The following DOCK3 variants were observed in gnomAD, a reference collection of about 807,000 sequenced individuals.
DOCK3 encodes the protein dedicator of cytokinesis protein 3.
A neutral mutation model predicts 265.6 loss-of-function variants in DOCK3; 60 were observed. The observed-to-expected ratio is 0.23, with a 90% CI of 0.18 to 0.28. The LOEUF is 0.28. Among genes scored for constraint, DOCK3 ranks in the 10% least tolerant of loss-of-function variants. DOCK3 has a pLI of 1.00. For synonymous variants in DOCK3, 881 were observed against 938.0 expected (o/e 0.94, Z 1.11); for missense variants, 1,981 against 2,594.3 (o/e 0.76, Z 5.14).
intron 9 of DOCK3, among the ~76,000 whole-genome samples, chr3:51,111,103 T>C (rs536609229): frequency 2.6e-5 from 4 of 152,174 alleles, no homozygotes; most frequent in Non-Finnish European, 2.9e-5. Flanking sequence ...AAATAAAGTA[T>C]GTAGGAATAC....
At chr3:51,000,610 G>T (rs2078444649) in intron 5 of DOCK3, among the ~76,000 whole-genome samples, 1 of 152,106 alleles carries the variant, frequency 6.6e-6, no homozygotes, top group Non-Finnish European at 1.5e-5. Flanking sequence ...TTATATTTCA[G>T]TGTTTCTATA....
intron 2 of DOCK3, among the ~76,000 whole-genome samples, chr3:50,792,689 G>A (rs1274075895): frequency 6.6e-6 from 1 of 152,192 alleles, no homozygotes; most frequent in African/African-American, 2.4e-5. Flanking sequence ...CTGTTGAGAT[G>A]ATCATGTGGT....
intron 49 of DOCK3, among the ~76,000 whole-genome samples, chr3:51,364,077 G>C (rs1296120238): frequency 9.9e-5 from 15 of 152,200 alleles, no homozygotes; most frequent in Admixed American, 4.6e-4. Context: ...CTTCCACAAT[G>C]GTTGAACTAG....
intron 2 of DOCK3, among the ~76,000 whole-genome samples, chr3:50,809,169 C>T (rs548734954): frequency 7.2e-5 from 11 of 152,156 alleles, no homozygotes; most frequent in East Asian, 3.9e-4. Flanking sequence ...AAAGAAGTCA[C>T]GATGAGTTAT....
At chr3:50,767,417 T>G (rs2040965716) in intron 1 of DOCK3, among the ~76,000 whole-genome samples, 2 of 152,206 alleles carry the variant, frequency 1.3e-5, no homozygotes, top group Non-Finnish European at 2.9e-5. Context: ...TTCTCAAAGA[T>G]CAGATGGTTA....
chr3:50,745,301 C>T (rs577964031), intron 1 of DOCK3, among the ~76,000 whole-genome samples: 1 of 152,226 alleles, frequency 6.6e-6, no homozygotes, highest in East Asian at 1.9e-4. Flanking sequence ...CCACCTCAGC[C>T]TCCCAAAGTG....
At chr3:50,756,490 G>A (rs1297106958) in intron 1 of DOCK3, among the ~76,000 whole-genome samples, 2 of 151,600 alleles carry the variant, frequency 1.3e-5, no homozygotes, top group Non-Finnish European at 1.5e-5. Flanking sequence ...CATTTTTTTT[G>A]TTTTGATTAG....
At chr3:50,907,562 A>G (rs1388723978) in intron 4 of DOCK3, among the ~76,000 whole-genome samples, 2 of 152,000 alleles carry the variant, frequency 1.3e-5, no homozygotes, top group Non-Finnish European at 1.5e-5. Context: ...TTTATCAGAG[A>G]CTAGGATTGC....
At chr3:51,335,777 A>T (rs1017348732) in intron 35 of DOCK3, among the ~76,000 whole-genome samples, 4 of 152,232 alleles carry the variant, frequency 2.6e-5, no homozygotes, top group Non-Finnish European at 5.9e-5. Flanking sequence ...AAATTGCTTA[A>T]GCTCAGGAGT....
At chr3:51,100,364 G>A (rs1222750518) in intron 9 of DOCK3, among the ~76,000 whole-genome samples, 1 of 152,208 alleles carries the variant, frequency 6.6e-6, no homozygotes, top group Non-Finnish European at 1.5e-5. Context: ...TAGAGTGTCT[G>A]AAACTCCATT....
intron 9 of DOCK3, among the ~76,000 whole-genome samples, chr3:51,099,616 T>C (rs2083000917): frequency 6.6e-6 from 1 of 152,218 alleles, no homozygotes; most frequent in African/African-American, 2.4e-5. Context: ...TTACAGTGTT[T>C]GGTAAAGTCA....
At chr3:50,848,496 T>A (rs1263289056) in intron 3 of DOCK3, among the ~76,000 whole-genome samples, 1 of 152,198 alleles carries the variant, frequency 6.6e-6, no homozygotes, top group African/African-American at 2.4e-5. Flanking sequence ...GGTAACAAAT[T>A]TCCTTAGTGC....
At chr3:51,224,530 C>T (rs938448653) in intron 14 of DOCK3, among the ~76,000 whole-genome samples, 8 of 152,148 alleles carry the variant, frequency 5.3e-5, no homozygotes, top group African/African-American at 1.9e-4. Flanking sequence ...ATTATGATTC[C>T]AGGTGGTAAC....
chr3:51,219,847 A>C (rs922607809), intron 14 of DOCK3, among the ~76,000 whole-genome samples: 2 of 152,218 alleles, frequency 1.3e-5, no homozygotes, highest in Admixed American at 1.3e-4. Context: ...GGGATGGTTT[A>C]AGAATAATCA....
At chr3:51,022,008 T>C (rs1051180957) in intron 5 of DOCK3, among the ~76,000 whole-genome samples, 2 of 152,232 alleles carry the variant, frequency 1.3e-5, no homozygotes, top group African/African-American at 4.8e-5. Flanking sequence ...TCAGTGAATG[T>C]GATCCATGTC....
chr3:50,910,105 A>G (rs1319664207), intron 4 of DOCK3, among the ~76,000 whole-genome samples: 1 of 151,858 alleles, frequency 6.6e-6, no homozygotes, highest in African/African-American at 2.4e-5. Context: ...GGCTATTCTC[A>G]TTATCAGCTC....
At chr3:51,333,762 T>G (rs1409269020) in intron 35 of DOCK3, among the ~76,000 whole-genome samples, 1 of 152,208 alleles carries the variant, frequency 6.6e-6, no homozygotes, top group African/African-American at 2.4e-5. Context: ...TTTCTGTCCC[T>G]TGGTCGTGGC....
rs755531254 is a variant in DOCK3, at chr3:50,869,342, ATTTTTTTTTTTTTTTTTTTT to A, written c.163-20655_163-20636del. The stretch of plus-strand genomic sequence containing the variant: ...TCAATTTTATTTATTTCTGCTGGGA[ATTTTTTTTTTTTTTTTTTTT>A]TTTTTTTTTTTTTTTTTTTTTTTTT... On this transcript the variant is annotated intron_variant, in intron 3 of 52. Transcript: ENST00000266037. 9.6e-4 allele frequency among the ~76,000 whole-genome samples: 67 copies of A among 70,106 alleles called. 13 individuals carry two copies. Among genetic ancestry groups the A allele is most frequent in the South Asian group, 3.1e-3 (6 of 1,952 alleles). 46.0% of individuals were successfully genotyped at this position (70,106 alleles called of 152,430 possible). A position where few individuals can be genotyped will look rare whatever the true frequency, so the allele number is the denominator to read the frequency against.
At chr3:51,057,308 T>A (rs190773879) in intron 5 of DOCK3, among the ~76,000 whole-genome samples, 168 of 152,324 alleles carry the variant, frequency 1.1e-3, no homozygotes, top group Middle Eastern at 6.8e-3. Flanking sequence ...GACTCTTCAG[T>A]GTACTTTCCA....
Sources: gnomAD v4.1 joint callset for allele counts (sites outside exome capture counted in the v4.1 genomes callset) on GRCh38, gnomAD v4.1.1 for gene constraint, MANE v1.5 for transcripts, NCBI Gene and HGNC (gene_info 2026-07-23, HGNC 2026-07-21) for gene names.